SPOCK1: variants seen among roughly 807,000 people sequenced by gnomAD.
SPOCK1 encodes the protein testican-1.
A neutral mutation model predicts 55.3 loss-of-function variants in SPOCK1; 23 were observed. The observed-to-expected ratio is 0.42, with a 90% CI of 0.30 to 0.59. The LOEUF (loss-of-function observed/expected upper bound fraction) is 0.59, where lower values mean the gene tolerates loss of function less well. SPOCK1 is among the 20% of genes least tolerant of loss of function. The pLI is 0.22. For synonymous variants in SPOCK1, 226 were observed against 221.0 expected (o/e 1.02, Z -0.20); for missense variants, 499 against 552.5 (o/e 0.90, Z 0.97).
At chr5:137,158,087 A>T (rs1456811325) in intron 3 of SPOCK1, among the ~76,000 whole-genome samples, 1 of 152,196 alleles carries the variant, frequency 6.6e-6, no homozygotes. Flanking sequence ...AACTTGCCAC[A>T]AAACTTTATG....
intron 2 of SPOCK1, among the ~76,000 whole-genome samples, chr5:137,483,314 G>A (rs940872108): frequency 2.0e-5 from 3 of 152,228 alleles, no homozygotes; most frequent in Admixed American, 6.5e-5. Context: ...GGCTGGACAA[G>A]AGTGAGACTC....
chr5:137,112,336 G>T lies in SPOCK1; in HGVS notation c.474+99C>A, dbSNP rs561966861. 4.4e-5 allele frequency: 65 copies of T among 1,470,786 alleles called. No homozygotes were observed. In the South Asian group the frequency reaches 8.3e-4, roughly 19 times the overall value. The allele number at this position is 1,470,786 out of a possible 1,614,324, so 91.1% of individuals were successfully genotyped here. Reference sequence around the variant, plus strand: ...CAGCTTCTCAAGGGCAAGGCCTGGAGCCCACCACGCTTCCCAAGCCCCAGT... The same window carrying T: ...CAGCTTCTCAAGGGCAAGGCCTGGATCCCACCACGCTTCCCAAGCCCCAGT... On this transcript the variant is annotated intron_variant, in intron 5 of 10. Transcript: ENST00000394945.
intron 3 of SPOCK1, among the ~76,000 whole-genome samples, chr5:137,238,980 T>C (rs1756234358): frequency 6.6e-6 from 1 of 152,210 alleles, no homozygotes; most frequent in African/African-American, 2.4e-5. Context: ...GAGAAGCATC[T>C]TTTGGTATTC....
rs141766742 is a variant in SPOCK1 at position 136,996,744 on chromosome 5, T to C, written c.590-4144A>G. 4.3e-4 allele frequency among the ~76,000 whole-genome samples: 66 copies of C among 152,098 alleles called. No homozygotes were observed. The East Asian group carries it at 8.7e-3, about 20-fold the overall frequency. ...AGCAAGAGGACTGTAAAATTACCAA[T>C]TGGCAGGATCCTAAAAGTAGCCAAT... On this transcript the variant is annotated intron_variant, in intron 6 of 10. Transcript: ENST00000394945.
At chr5:137,457,974 C>T (rs530731864) in intron 2 of SPOCK1, among the ~76,000 whole-genome samples, 1 of 152,286 alleles carries the variant, frequency 6.6e-6, no homozygotes, top group South Asian at 2.1e-4. Flanking sequence ...AGCCAGTGCA[C>T]TGCTAGGAAA....
At chr5:137,485,220 A>G (rs1173218039) in intron 2 of SPOCK1, among the ~76,000 whole-genome samples, 1 of 152,162 alleles carries the variant, frequency 6.6e-6, no homozygotes, top group African/African-American at 2.4e-5. Context: ...TATCCCCTCT[A>G]TATTCCCTCT....
chr5:137,308,132 C>T (rs953361450), intron 2 of SPOCK1, among the ~76,000 whole-genome samples: 5 of 152,196 alleles, frequency 3.3e-5, no homozygotes, highest in African/African-American at 4.8e-5. Context: ...GAGCAATGTC[C>T]TATAGTTCTT....
chr5:137,292,316 C>T (rs924372803), intron 2 of SPOCK1, among the ~76,000 whole-genome samples: 4 of 151,294 alleles, frequency 2.6e-5, no homozygotes, highest in Non-Finnish European at 5.9e-5. Context: ...AGGAGAGTTT[C>T]GAATGGGAAC....
At chr5:137,311,040 G>A (rs748724868) in intron 2 of SPOCK1, among the ~76,000 whole-genome samples, 1 of 152,224 alleles carries the variant, frequency 6.6e-6, no homozygotes, top group Non-Finnish European at 1.5e-5. Flanking sequence ...CGGAAGGCCA[G>A]TCTGAAAATC....
At chr5:137,218,089 C>T (rs1239549231) in intron 3 of SPOCK1, among the ~76,000 whole-genome samples, 1 of 152,216 alleles carries the variant, frequency 6.6e-6, no homozygotes, top group African/African-American at 2.4e-5. Flanking sequence ...TCCCCACTGA[C>T]TTGTGACCAC....
intron 6 of SPOCK1, among the ~76,000 whole-genome samples, chr5:137,036,078 A>G (rs1751879048): frequency 6.6e-6 from 1 of 152,162 alleles, no homozygotes; most frequent in Non-Finnish European, 1.5e-5. Flanking sequence ...ATAGGAAATC[A>G]TATGTCCCTG....
At chr5:137,131,989 A>ATATATAT (rs1554099249) in intron 4 of SPOCK1, among the ~76,000 whole-genome samples, 4 of 36,054 alleles carry the variant, frequency 1.1e-4, no homozygotes, top group African/African-American at 1.8e-4. Context: ...AAAAAAAAAA[A>ATATATAT]ATATATATAT....
At chr5:137,068,197 G>C (rs1353261825) in intron 5 of SPOCK1, among the ~76,000 whole-genome samples, 1 of 152,146 alleles carries the variant, frequency 6.6e-6, no homozygotes, top group East Asian at 1.9e-4. Context: ...CTCCTCCCGT[G>C]TGGAGGTAAC....
In SPOCK1 at chr5:136,992,554, A is replaced by G; in HGVS notation, c.636T>C (p.Asp212=). 1.2e-6 allele frequency: 2 copies of G among 1,613,834 alleles called. No homozygotes were observed. Among genetic ancestry groups the G allele is most frequent in the South Asian group, 1.1e-5 (1 of 91,028 alleles). ...CATCCTCGTGGAGAGCTCCAAACCA[A>G]TCCTTCAGCCGGGAGGCAAGGTTCC... ...ELRNLASRLK[D]WFGALHEDAN... Residue 212 remains aspartate, a synonymous_variant, in exon 7 of 11, where the codon GAT becomes GAC. Transcript: ENST00000394945.
intron 2 of SPOCK1, among the ~76,000 whole-genome samples, chr5:137,333,367 G>A (rs1758223715): frequency 1.3e-5 from 2 of 152,148 alleles, no homozygotes; most frequent in South Asian, 4.1e-4. Context: ...GCTCAGGAGG[G>A]ACTGGGAAAA....
intron 3 of SPOCK1, among the ~76,000 whole-genome samples, chr5:137,153,935 G>A (rs1754365837): frequency 6.6e-6 from 1 of 151,852 alleles, no homozygotes; most frequent in Non-Finnish European, 1.5e-5. Context: ...AATAGATAAG[G>A]AAGAGAGGTA....
chr5:137,105,553 C>T (rs569073153), intron 5 of SPOCK1, among the ~76,000 whole-genome samples: 2 of 152,298 alleles, frequency 1.3e-5, no homozygotes, highest in Admixed American at 6.5e-5. Flanking sequence ...TGAGAATAGC[C>T]TGTTGTTAGG....
intron 3 of SPOCK1, among the ~76,000 whole-genome samples, chr5:137,148,136 C>G (rs747046983): frequency 1.3e-5 from 2 of 152,148 alleles, no homozygotes; most frequent in Non-Finnish European, 2.9e-5. Flanking sequence ...AGCAAGGAGA[C>G]AATGACAAGC....
intron 2 of SPOCK1, among the ~76,000 whole-genome samples, chr5:137,301,583 G>A (rs369086891): frequency 4.6e-5 from 7 of 150,584 alleles, no homozygotes; most frequent in East Asian, 2.0e-4. Flanking sequence ...TATGAACTCC[G>A]GTTGTGATCT....
Sources: allele counts gnomAD v4.1 joint callset (sites outside exome capture counted in the v4.1 genomes callset), GRCh38; gene constraint gnomAD v4.1.1; transcripts MANE v1.5; gene names NCBI Gene and HGNC (gene_info 2026-07-23, HGNC 2026-07-21).